Variants in EVPL observed in about 807,000 individuals in gnomAD.
The protein encoded by EVPL is 210 kDa cornified envelope precursor protein.
A neutral mutation model predicts 129.7 loss-of-function variants in EVPL; 94 were observed. The ratio of observed to expected loss-of-function variants is 0.72; its 90% CI spans 0.61 to 0.86. The LOEUF is 0.86. EVPL is among the 40% of genes least tolerant of loss of function. The pLI is 0.00. For missense variants in EVPL, 2,625 were observed against 2,721.1 expected (o/e 0.96, Z 0.79); for synonymous variants, 1,172 against 1,191.1 (o/e 0.98, Z 0.33).
chr17:76,019,670 G>A lies in EVPL; in HGVS notation c.1012-17C>T, dbSNP rs202203940. 1.4e-5 allele frequency: 22 copies of A among 1,608,422 alleles called. 1 individual carries two copies. The South Asian group carries it at 1.4e-4, about 11-fold the overall frequency. ...TTCCTGGAACTGAGTTCACTGGGTG[G>A]TCAAGGGCAGAGCCTCGTGCAACCT... On this transcript the variant is annotated splice_polypyrimidine_tract_variant and intron_variant, in intron 9 of 21. Coordinates refer to ENST00000301607, the MANE Select transcript of EVPL (RefSeq NM_001988.4).
Position 76,007,763 on chromosome 17 carries a change from G to A in EVPL, c.5442C>T (p.Pro1814=), listed in dbSNP as rs1230926407. The A allele has an allele frequency of 6.2e-7, 1 of 1,612,710 alleles. No homozygotes were observed. Among genetic ancestry groups the A allele is most frequent in the Non-Finnish European group, 8.5e-7 (1 of 1,178,950 alleles). Residue 1814 remains proline (P), a synonymous_variant, in exon 22 of 22, where the codon CCC becomes CCT. Coordinates refer to ENST00000301607, the MANE Select transcript of EVPL (RefSeq NM_001988.4). The surrounding 1 kb of genome is among the most constrained non-coding windows in gnomAD (Gnocchi z 8.8). The part of the protein sequence containing the change: ...PAPQSTSFFS[P]SFSLGLGDDS... The stretch of plus-strand genomic sequence containing the variant: ...CATCACCGAGCCCGAGAGAGAAGCT[G>A]GGAGAGAAGAAACTGGTGCTCTGGG...
In EVPL at chr17:76,015,451, T is replaced by C. The variant is rs546847137; in HGVS notation, c.1888A>G (p.Lys630Glu). Reference protein sequence around the residue: ...VQVLCSLYGEKAKAALDLERQ... With the variant: ...VQVLCSLYGEEAKAALDLERQ... ...CTGCCCTGTCCCCAGAGCACTCACT[T>C]CTCCCCGTAGAGGCTGCACAGAACC... Residue 630 changes from lysine to glutamate, a missense_variant and splice_region_variant, in exon 15 of 22, where the codon AAA becomes GAA. Coordinates refer to ENST00000301607, the MANE Select transcript of EVPL (RefSeq NM_001988.4). 5 of 1,611,888 alleles carry C rather than the reference T, an allele frequency of 3.1e-6. No individual in the cohort carries two copies. In the Admixed American group the frequency reaches 8.3e-5, roughly 27 times the overall value.
chr17:76,007,045 G>A lies in EVPL; in HGVS notation c.*58C>T. ...GGATGAGGCTGCTCTGAGGCAAGAG[G>A]TGTACGTATCCTACCTGGCCCAACA... On this transcript the variant is annotated 3_prime_UTR_variant, in exon 22 of 22. Coordinates refer to ENST00000301607, the MANE Select transcript of EVPL (RefSeq NM_001988.4). This position sits in a 1 kb window ranked among gnomAD's most constrained non-coding sequence, Gnocchi z 8.8. 7.3e-7 allele frequency: 1 copy of A among 1,367,664 alleles called. No homozygotes were observed. The highest frequency in any genetic ancestry group is 9.4e-7 in the Non-Finnish European group (1 of 1,059,804). 84.7% of individuals were successfully genotyped at this position (1,367,664 alleles called of 1,614,324 possible).
In EVPL at chr17:76,022,076, G is replaced by A; in HGVS notation, c.646-48C>T. 2 of 1,563,822 alleles carry A rather than the reference G, an allele frequency of 1.3e-6. No homozygotes were observed. Among genetic ancestry groups the A allele is most frequent in the Non-Finnish European group, 1.7e-6 (2 of 1,158,956 alleles). On this transcript the variant is annotated intron_variant, in intron 6 of 21. Coordinates refer to ENST00000301607, the MANE Select transcript of EVPL (RefSeq NM_001988.4). The surrounding 1 kb of genome is among the most constrained non-coding windows in gnomAD (Gnocchi z 5.6). ...GCAGCAGGGTGGGGAGACAGAAAGT[G>A]GGGGGCAAAAGGCGCCATTGGGCCG...
In EVPL at chr17:76,007,824, G is replaced by C; in HGVS notation, c.5381C>G (p.Ser1794Cys). 8 of 1,611,194 alleles carry C rather than the reference G, an allele frequency of 5.0e-6. No homozygotes were observed. Among genetic ancestry groups the C allele is most frequent in the South Asian group, 3.3e-5 (3 of 90,980 alleles). ...GGCGAGCGGGGACTTGGAGATGATA[G>C]AGCCGATGGAGAGTGAGGAGCTTGG... is the stretch of plus-strand genomic sequence containing the variant. The part of the protein sequence containing the change: ...TKPSSSLSIG[S>C]IISKSPLASP... The change falls in exon 22 of 22, where the codon TCT becomes TGT. Residue 1794 changes from serine to cysteine, a missense_variant. By Grantham distance (112) the Ser-to-Cys change is moderately radical. Coordinates refer to ENST00000301607, the MANE Select transcript of EVPL (RefSeq NM_001988.4). This position sits in a 1 kb window ranked among gnomAD's most constrained non-coding sequence, Gnocchi z 8.8.
chr17:76,015,194 C>T (rs777371685), intron 16 of EVPL, 33 bp downstream of exon 16: 1 of 1,565,664 alleles, frequency 6.4e-7, no homozygotes, highest in East Asian at 2.3e-5. Context: ...GCTGGGTTCC[C>T]CTGACACCAG....
Position 76,019,077 on chromosome 17 carries a change from C to A in EVPL, c.1138-17G>T, listed in dbSNP as rs2290249. 381,256 of 1,563,724 alleles carry A rather than the reference C, an allele frequency of 0.24. 49,711 individuals are homozygous for A. The highest frequency in any genetic ancestry group is 0.43 in the East Asian group (18,233 of 42,404). On this transcript the variant is annotated splice_polypyrimidine_tract_variant and intron_variant, in intron 10 of 21. Coordinates refer to ENST00000301607, the MANE Select transcript of EVPL (RefSeq NM_001988.4). Reference sequence around the variant, plus strand: ...TTCCTCTGCCTGCCGGGGGCCCAGGCAGTGGGGGACTCAGGCCAGGCTGCA... The same window carrying A: ...TTCCTCTGCCTGCCGGGGGCCCAGGAAGTGGGGGACTCAGGCCAGGCTGCA...
In EVPL at chr17:76,007,106, G is replaced by T; in HGVS notation, c.6099C>A (p.Arg2033=). The change falls in exon 22 of 22, where the codon CGC becomes CGA. Residue 2033 remains arginine, a synonymous_variant. Coordinates refer to ENST00000301607, the MANE Select transcript of EVPL (RefSeq NM_001988.4). This position sits in a 1 kb window ranked among gnomAD's most constrained non-coding sequence, Gnocchi z 8.8. ...CCCACTGGCTCCTTGGCCCGTGTCA[G>T]CGAAGGGAGCGCGGGACGGTGGGGG... ...SASPTVPRSL[R] 6.8e-7 allele frequency: 1 copy of T among 1,461,794 alleles called. No homozygotes were observed. Among genetic ancestry groups the T allele is most frequent in the Non-Finnish European group, 9.0e-7 (1 of 1,106,172 alleles). The allele number at this position is 1,461,794 out of a possible 1,614,324, so 90.6% of individuals were successfully genotyped here. A position where few individuals can be genotyped will look rare whatever the true frequency, so the allele number is the denominator to read the frequency against.
rs2144422611 is a variant in EVPL at position 76,017,787 on chromosome 17, G to C, written c.1662C>G (p.Ser554Arg). Residue 554 changes from serine to arginine, a missense_variant, in exon 14 of 22, where the codon AGC (serine) becomes AGG (arginine). Transcript: ENST00000301607. ...CCAAGTCCTCCAAGGGTGTGGGGCG[G>C]CTCAGCGGGGCCCGCGCCCAGGCCA... ...QVLAWARAPL[S>R]RPTPLEDLEG... 6.2e-7 allele frequency: 1 copy of C among 1,613,162 alleles called. No individual in the cohort carries two copies. Among genetic ancestry groups the C allele is most frequent in the Non-Finnish European group, 8.5e-7 (1 of 1,180,018 alleles).
At chr17:76,010,571 G>A (rs768230965) in intron 21 of EVPL, 28 bp from the exon 22 acceptor site, 11 of 1,584,146 alleles carry the variant, frequency 6.9e-6, no homozygotes, top group East Asian at 2.3e-5. Flanking sequence ...GGTAGAGCAC[G>A]GGGTGGGCGG....
Position 76,011,848 on chromosome 17 carries a change from G to C in EVPL, c.2492C>G (p.Ser831Cys). Residue 831 changes from serine to cysteine, a missense_variant, in exon 20 of 22, where the codon TCT becomes TGT. By Grantham distance (112) the Ser-to-Cys change is moderately radical (BLOSUM62 -1). Transcript: ENST00000301607. ...TGACACTGCCAGGGTGGGCTCCAAA[G>C]AGCAGCGGTAGGTGTCTGCCTGGAG... is the stretch of plus-strand genomic sequence containing the variant. ...YELQADTYRCSLEPTLAVSAP... is the reference protein window; with the variant it reads ...YELQADTYRCCLEPTLAVSAP... 6.2e-7 allele frequency: 1 copy of C among 1,613,498 alleles called. No individual in the cohort carries two copies. The highest frequency in any genetic ancestry group is 8.5e-7 in the Non-Finnish European group (1 of 1,179,840).
rs1310043321 is a variant in EVPL at position 76,022,998 on chromosome 17, G to A, written c.480+294C>T. Among the ~76,000 whole-genome samples, 3 of 152,092 alleles carry A rather than the reference G, an allele frequency of 2.0e-5. No homozygotes were observed. Among genetic ancestry groups the A allele is most frequent in the African/African-American group, 7.2e-5 (3 of 41,410 alleles). On this transcript the variant is annotated intron_variant, in intron 4 of 21. Transcript: ENST00000301607. The surrounding 1 kb of genome is among the most constrained non-coding windows in gnomAD (Gnocchi z 5.6). The stretch of plus-strand genomic sequence containing the variant: ...ACCTGCCCAGAAATCCCCACTTCCC[G>A]TCGAAGCCCAGGCTTCCTCCTGGCA...
At chr17:76,023,093 T>G (rs977645577) in intron 4 of EVPL, among the ~76,000 whole-genome samples, 199 bp downstream of exon 4, 1 of 152,118 alleles carries the variant, frequency 6.6e-6, no homozygotes, top group Non-Finnish European at 1.5e-5. Flanking sequence ...CTGAGCCCTC[T>G]CACCCCTCTG....
At chr17:76,017,941 G>C in intron 13 of EVPL, 30 bp from the exon 14 acceptor site, 2 of 1,611,746 alleles carry the variant, frequency 1.2e-6, no homozygotes, top group Non-Finnish European at 1.7e-6. Context: ...TGAGGGCCCA[G>C]GGCCTATCTC....
At chr17:76,019,130 C>T in intron 10 of EVPL, 70 bp from the exon 11 acceptor site, 1 of 1,435,662 alleles carries the variant, frequency 7.0e-7, no homozygotes, top group Non-Finnish European at 9.2e-7. Flanking sequence ...CATACCTGTC[C>T]TTCAAAAGGC....
rs1457719726 is a variant in EVPL, at chr17:76,009,085, C to T, written c.4120G>A (p.Glu1374Lys). The stretch of plus-strand genomic sequence containing the variant: ...GGGTCCTTCTGGGTGACCACCACCT[C>T]CTGCACCACCACCTTCTCCTCGGGC... The part of the protein sequence containing the change: ...RKPEEKVVVQ[E>K]VVVTQKDPKL... Residue 1374 changes from glutamate (E) to lysine (K), a missense_variant, in exon 22 of 22, where the codon GAG becomes AAG. Physicochemically the swap from Glu to Lys is moderately conservative, Grantham distance 56 (BLOSUM62 1). Around this residue, in one of 4 missense-constraint regions of EVPL, gnomAD observed 1,453 missense variants for 1,511.8 expected, o/e 0.96. Coordinates refer to ENST00000301607, the MANE Select transcript of EVPL (RefSeq NM_001988.4). This position sits in a 1 kb window ranked among gnomAD's most constrained non-coding sequence, Gnocchi z 5.9. 8.7e-6 allele frequency: 14 copies of T among 1,613,370 alleles called. No individual in the cohort carries two copies. The highest frequency in any genetic ancestry group is 8.0e-5 in the African/African-American group (6 of 74,930).
Position 76,019,523 on chromosome 17 carries a change from C to A in EVPL, c.1137+5G>T. On this transcript the variant is annotated splice_donor_5th_base_variant and intron_variant, in intron 10 of 21. Transcript: ENST00000301607. ...GGTGCAGACGGCCTGGTGGGGTTGT[C>A]TCACCTCCAGCTGTTGCAGCAGCTC... 6.5e-7 allele frequency: 1 copy of A among 1,549,902 alleles called. No individual in the cohort carries two copies. Among genetic ancestry groups the A allele is most frequent in the South Asian group, 1.2e-5 (1 of 81,456 alleles).
chr17:76,027,141 C>T lies in EVPL; in HGVS notation c.58G>A (p.Ala20Thr), dbSNP rs750677797. ...QGKGSPKGSP[A>T]KGSPKGSPSR... ...GGGGAGCCTTTGGGGGACCCCTTGG[C>T]GGGGGAGCCCTTGGGGGACCCCTTC... Residue 20 changes from alanine to threonine, a missense_variant, in exon 1 of 22, where the codon GCC (alanine) becomes ACC (threonine). Coordinates refer to ENST00000301607, the MANE Select transcript of EVPL (RefSeq NM_001988.4). 15 of 1,557,032 alleles carry T rather than the reference C, an allele frequency of 9.6e-6. No individual in the cohort carries two copies. Among genetic ancestry groups the T allele is most frequent in the African/African-American group, 8.4e-5 (6 of 71,664 alleles).
chr17:76,023,251 C>T (rs1351168723), intron 4 of EVPL, 41 bp downstream of exon 4: 10 of 1,611,206 alleles, frequency 6.2e-6, no homozygotes, highest in Middle Eastern at 3.4e-4. Context: ...AGTTCCGTAT[C>T]GCCCTCTGAT....
Sources: allele counts gnomAD v4.1 joint callset (sites outside exome capture counted in the v4.1 genomes callset), GRCh38; gene constraint gnomAD v4.1.1; regional missense constraint gnomAD v4.1.1; non-coding constraint Gnocchi (gnomAD v3.1); transcripts MANE v1.5; gene names NCBI Gene and HGNC (gene_info 2026-07-23, HGNC 2026-07-21).